The following RANBP2 variants were observed in gnomAD, a reference collection of about 807,000 sequenced individuals.
The protein encoded by RANBP2 is E3 SUMO-protein ligase RanBP2.
RANBP2 carries 57 observed loss-of-function variants against 303.6 expected under a neutral mutation model. That is an observed-to-expected ratio of 0.19 (90% confidence interval 0.15 to 0.23). The LOEUF (loss-of-function observed/expected upper bound fraction) is 0.23, where lower values mean the gene tolerates loss of function less well. RANBP2 is among the 10% of genes least tolerant of loss of function. RANBP2 has a pLI of 1.00. For missense variants in RANBP2, 3,138 were observed against 3,780.8 expected, an observed-to-expected ratio of 0.83 and a Z score of 4.46; for synonymous variants, 1,167 against 1,301.5, an observed-to-expected ratio of 0.90 and a Z score of 2.23.
In RANBP2 at chr2:108,765,941, G is replaced by A. The variant is rs1282516723; in HGVS notation, c.5402G>A (p.Cys1801Tyr). The A allele has an allele frequency of 4.3e-6, 7 of 1,614,184 alleles. No homozygotes were observed. Among genetic ancestry groups the A allele is most frequent in the African/African-American group, 1.3e-5 (1 of 75,070 alleles). ...CAAAATGAGAGTTCTTCCTTAAAAT[G>A]TGTGGCTTGTGATGCCTCTAAACCA... is the stretch of plus-strand genomic sequence containing the variant. ...CVQNESSSLK[C>Y]VACDASKPTH... is the part of the protein sequence containing the mutation. Residue 1801 changes from cysteine to tyrosine, a missense_variant, in exon 20 of 29, where the codon TGT becomes TAT. Transcript: ENST00000283195.
At chr2:109,064,215 A>T in the RANBP2 span, among the ~76,000 whole-genome samples, 1 of 152,090 alleles carries the variant, frequency 6.6e-6, no homozygotes, top group South Asian at 2.1e-4. Flanking sequence ...CACGCCTGTA[A>T]TCCCAGCACT....
chr2:108,988,069 C>A, the RANBP2 span, among the ~76,000 whole-genome samples: 3 of 152,190 alleles, frequency 2.0e-5, no homozygotes, highest in Non-Finnish European at 4.4e-5. Context: ...GACGGTGGTG[C>A]TCCTGTCTCT....
the RANBP2 span, among the ~76,000 whole-genome samples, chr2:108,921,019 G>T: frequency 6.6e-6 from 1 of 152,140 alleles, no homozygotes; most frequent in Non-Finnish European, 1.5e-5. Flanking sequence ...ACATTCTCTG[G>T]CTCACCCAGA....
At chr2:109,654,403 G>A in the RANBP2 span, among the ~76,000 whole-genome samples, 1 of 151,876 alleles carries the variant, frequency 6.6e-6, no homozygotes, top group Non-Finnish European at 1.5e-5. Flanking sequence ...CATGCCTTCA[G>A]TTAAGCTAAG....
chr2:109,138,943 A>C, the RANBP2 span, among the ~76,000 whole-genome samples: 24 of 152,270 alleles, frequency 1.6e-4, no homozygotes, highest in Non-Finnish European at 2.2e-4. Context: ...CACTGTAAAC[A>C]AATAGCCAAT....
At chr2:109,384,524 G>A in the RANBP2 span, among the ~76,000 whole-genome samples, 9,509 of 151,984 alleles carry the variant, frequency 0.063, 719 homozygotes, top group African/African-American at 0.18. Flanking sequence ...GAGGGGCAGT[G>A]GGAAAAGGGC....
chr2:108,911,837 A>G, the RANBP2 span, among the ~76,000 whole-genome samples: 1 of 152,212 alleles, frequency 6.6e-6, no homozygotes. Flanking sequence ...AGAACCCCGC[A>G]TGTGGGCGCT....
At chr2:109,429,433 T>C in the RANBP2 span, among the ~76,000 whole-genome samples, 1 of 152,158 alleles carries the variant, frequency 6.6e-6, no homozygotes, top group Admixed American at 6.5e-5. Flanking sequence ...AGTGAAGGAT[T>C]ACTCATCAAC....
the RANBP2 span, among the ~76,000 whole-genome samples, chr2:109,739,720 T>C: frequency 6.6e-6 from 1 of 152,204 alleles, no homozygotes; most frequent in South Asian, 2.1e-4. Flanking sequence ...TTTATCTTTT[T>C]GTCTTGATTG....
At chr2:109,112,690 G>A in the RANBP2 span, among the ~76,000 whole-genome samples, 5 of 151,888 alleles carry the variant, frequency 3.3e-5, no homozygotes, top group South Asian at 4.2e-4. Context: ...TTGGTGTTTT[G>A]GACATGAAGT....
chr2:109,194,367 G>C, the RANBP2 span, among the ~76,000 whole-genome samples: 2 of 152,250 alleles, frequency 1.3e-5, no homozygotes, highest in Non-Finnish European at 2.9e-5. Flanking sequence ...CTGTGTGTCT[G>C]CTGCCACCCC....
At chr2:108,974,857 C>T in the RANBP2 span, among the ~76,000 whole-genome samples, 1 of 152,216 alleles carries the variant, frequency 6.6e-6, no homozygotes, top group Admixed American at 6.5e-5. Context: ...CCACCCCGAG[C>T]TGCCTCACCA....
the RANBP2 span, among the ~76,000 whole-genome samples, chr2:109,598,064 T>A: frequency 6.6e-6 from 1 of 152,130 alleles, no homozygotes; most frequent in Admixed American, 6.5e-5. Flanking sequence ...TTTTTTTGTT[T>A]TGTTTTGTTT....
chr2:109,027,058 G>C, the RANBP2 span, among the ~76,000 whole-genome samples: 1 of 152,056 alleles, frequency 6.6e-6, no homozygotes, highest in Non-Finnish European at 1.5e-5. Context: ...AGCTTGGTGC[G>C]TGGTGAAATC....
chr2:108,752,615 T>TAAAAAA (rs1675979109), intron 12 of RANBP2, among the ~76,000 whole-genome samples: 2 of 14,556 alleles, frequency 1.4e-4, no homozygotes, highest in Non-Finnish European at 3.1e-4. Context: ...CTACTAAAAA[T>TAAAAAA]ACAAAAAAAA....
chr2:109,136,410 G>C, the RANBP2 span, among the ~76,000 whole-genome samples: 1 of 152,116 alleles, frequency 6.6e-6, no homozygotes, highest in South Asian at 2.1e-4. Flanking sequence ...AAAAGAACAG[G>C]GTGTCGAGCT....
the RANBP2 span, among the ~76,000 whole-genome samples, chr2:109,101,545 C>G: frequency 1.3e-5 from 2 of 151,814 alleles, no homozygotes; most frequent in Non-Finnish European, 2.9e-5. Flanking sequence ...CAAAACAAAA[C>G]AAAAAAACCC....
the RANBP2 span, among the ~76,000 whole-genome samples, chr2:109,209,566 G>A: frequency 6.6e-6 from 1 of 152,150 alleles, no homozygotes; most frequent in African/African-American, 2.4e-5. Flanking sequence ...TAGCTCTCAT[G>A]GGGAAGATTT....
chr2:109,073,644 G>A, the RANBP2 span, among the ~76,000 whole-genome samples: 2 of 149,950 alleles, frequency 1.3e-5, no homozygotes, highest in African/African-American at 2.4e-5. Flanking sequence ...ACTCAGGCCT[G>A]GGCAACAGAG....
Sources: gnomAD v4.1 joint callset for allele counts (sites outside exome capture counted in the v4.1 genomes callset) on GRCh38, gnomAD v4.1.1 for gene constraint, MANE v1.5 for transcripts, NCBI Gene and HGNC (gene_info 2026-07-23, HGNC 2026-07-21) for gene names.